TUBGCP4: variants seen among roughly 807,000 people sequenced by gnomAD.
TUBGCP4 encodes the protein gamma-tubulin complex component 4.
Under a neutral mutation model 91.6 loss-of-function variants are expected in TUBGCP4, and 54 were observed. The ratio of observed to expected loss-of-function variants is 0.59; its 90% CI spans 0.47 to 0.74. The LOEUF (loss-of-function observed/expected upper bound fraction) is 0.74. Among genes scored for constraint, TUBGCP4 ranks in the 30% least tolerant of loss-of-function variants. The pLI is 0.00. For missense variants in TUBGCP4, 593 were observed against 800.9 expected (o/e 0.74, Z 3.13); for synonymous variants, 297 against 302.8 (o/e 0.98, Z 0.20).
chr15:43,386,026 A>G (rs1050982745), intron 8 of TUBGCP4, 70 bp downstream of exon 8: 1 of 1,580,516 alleles, frequency 6.3e-7, no homozygotes, highest in African/African-American at 1.3e-5. Flanking sequence ...GTGGCCCCAC[A>G]GCATGCCTGG....
At position 43,386,270 on chromosome 15, in the gene TUBGCP4, A is replaced by G. The variant is rs2044357440; in HGVS notation, c.954A>G (p.Pro318=). Residue 318 remains proline, a synonymous_variant, in exon 9 of 18, where the codon CCA becomes CCG. Transcript: ENST00000564079. ...AAELHRLKQQ[P]LFSLVDFEQV... ...AGCTGCACCGTCTCAAGCAGCAGCC[A>G]CTCTTCAGCTTGGTGGACTTTGAAC... 1 of 1,586,370 alleles carries G rather than the reference A, an allele frequency of 6.3e-7. No homozygotes were observed. Among genetic ancestry groups the G allele is most frequent in the East Asian group, 2.3e-5 (1 of 43,648 alleles).
rs56813954 is a variant in TUBGCP4, at chr15:43,409,748, TA to T, written c.*4545del. On this transcript the variant is annotated 3_prime_UTR_variant, in exon 18 of 18. Transcript: ENST00000564079. The stretch of plus-strand genomic sequence containing the variant: ...GGAGGAATTTCCAAAAATTCTATAT[TA>T]AAAAAAAAAACCAAGATAATAATTA... 311,947 of 1,201,630 alleles carry T rather than the reference TA, an allele frequency of 0.26. 29,438 individuals are homozygous for T. Among genetic ancestry groups the T allele is most frequent in the East Asian group, 0.36 (12,996 of 35,742 alleles). 74.4% of individuals were successfully genotyped at this position (1,201,630 alleles called of 1,614,324 possible).
chr15:43,406,694 T>TGACA lies in TUBGCP4; in HGVS notation c.*1481_*1484dup. 2.3e-6 allele frequency: 1 copy of TGACA among 439,328 alleles called. No individual in the cohort carries two copies. The highest frequency in any genetic ancestry group is 7.0e-5 in the East Asian group (1 of 14,296). 27.2% of individuals were successfully genotyped at this position (439,328 alleles called of 1,614,324 possible). ...GGGAAGGAACTGCTTCCAGCTATTG[T>TGACA]GACAATAATAATAATAATAATATTG... On this transcript the variant is annotated 3_prime_UTR_variant, in exon 18 of 18. Coordinates refer to ENST00000564079, the MANE Select transcript of TUBGCP4 (RefSeq NM_014444.5).
chr15:43,407,712 G>C lies in TUBGCP4; in HGVS notation c.*2498G>C. The C allele has an allele frequency of 1.2e-6, 1 of 853,448 alleles. No homozygotes were observed. 52.9% of individuals were successfully genotyped at this position (853,448 alleles called of 1,614,324 possible). ...TGTCAAACACACTGCTACTGATCAT[G>C]ACCAAAGGCAGAGTTATAATCACTA... On this transcript the variant is annotated 3_prime_UTR_variant, in exon 18 of 18. Coordinates refer to ENST00000564079, the MANE Select transcript of TUBGCP4 (RefSeq NM_014444.5).
chr15:43,397,431 TC>T (rs1238318588), intron 12 of TUBGCP4, 110 bp downstream of exon 12: 2 of 837,774 alleles, frequency 2.4e-6, no homozygotes, highest in African/African-American at 3.3e-5. Context: ...ATCTTAGAAA[TC>T]AGCTAGTACA....
chr15:43,389,530 A>G (rs1350941396), intron 9 of TUBGCP4, among the ~76,000 whole-genome samples: 1 of 152,032 alleles, frequency 6.6e-6, no homozygotes, highest in African/African-American at 2.4e-5. Flanking sequence ...AATTTTATCA[A>G]CTGCTCTTTC....
At chr15:43,376,270 G>A (rs761488970) in intron 2 of TUBGCP4, 44 bp downstream of exon 2, 2 of 1,610,174 alleles carry the variant, frequency 1.2e-6, no homozygotes. Context: ...GAGGGCAGGA[G>A]CTATGTCAAG....
At chr15:43,386,767 C>G (rs2044382762) in intron 9 of TUBGCP4, among the ~76,000 whole-genome samples, 2 of 140,610 alleles carry the variant, frequency 1.4e-5, no homozygotes, top group Admixed American at 7.1e-5. Flanking sequence ...AGTTACTTGA[C>G]TTTTGTTTTT....
At chr15:43,404,336 C>T in intron 16 of TUBGCP4, 77 bp from the exon 17 acceptor site, 1 of 1,557,018 alleles carries the variant, frequency 6.4e-7, no homozygotes, top group East Asian at 2.3e-5. Flanking sequence ...CCAAGAAACT[C>T]CTCCCTCCGC....
At chr15:43,404,353 C>T (rs1362847428) in intron 16 of TUBGCP4, 60 bp from the exon 17 acceptor site, 2 of 1,595,946 alleles carry the variant, frequency 1.3e-6, no homozygotes, top group Non-Finnish European at 1.7e-6. Context: ...CCGCCCCCAT[C>T]CTCCATATGG....
chr15:43,408,929 C>T lies in TUBGCP4; in HGVS notation c.*3715C>T, dbSNP rs1394943390. 8 of 1,614,144 alleles carry T rather than the reference C, an allele frequency of 5.0e-6. No homozygotes were observed. The highest frequency in any genetic ancestry group is 6.8e-6 in the Non-Finnish European group (8 of 1,180,012). On this transcript the variant is annotated 3_prime_UTR_variant, in exon 18 of 18. Coordinates refer to ENST00000564079, the MANE Select transcript of TUBGCP4 (RefSeq NM_014444.5). ...GAATTCTTTGCTCCTCAAGGCTGTA[C>T]CCAGCTGGCAACAGATAATTACGGT... is the stretch of plus-strand genomic sequence containing the variant.
At chr15:43,374,054 A>G (rs1001307398) in intron 1 of TUBGCP4, among the ~76,000 whole-genome samples, 2 of 152,282 alleles carry the variant, frequency 1.3e-5, no homozygotes, top group African/African-American at 2.4e-5. Context: ...TTGGATTCCT[A>G]ATCAATTTTC....
chr15:43,407,383 T>C lies in TUBGCP4; in HGVS notation c.*2169T>C. The C allele has an allele frequency of 1.2e-6, 2 of 1,613,908 alleles. No homozygotes were observed. Among genetic ancestry groups the C allele is most frequent in the Non-Finnish European group, 1.7e-6 (2 of 1,179,802 alleles). On this transcript the variant is annotated 3_prime_UTR_variant, in exon 18 of 18. Transcript: ENST00000564079. ...ATAAAACCAGTAAGACCAAGTATCT[T>C]TAGTGAGAAACATAATCGTGTTTAT...
rs1337414602 is a variant in TUBGCP4 at position 43,371,405 on chromosome 15, C to T, written c.51C>T (p.Phe17=). The T allele has an allele frequency of 6.2e-7, 1 of 1,613,978 alleles. No homozygotes were observed. Among genetic ancestry groups the T allele is most frequent in the Non-Finnish European group, 8.5e-7 (1 of 1,180,010 alleles). The change falls in exon 1 of 18, where the codon TTC becomes TTT. Residue 17 remains phenylalanine, a synonymous_variant. Transcript: ENST00000564079. Reference sequence around the variant, plus strand: ...TGAGCGGGTACCCTGGGTCCATTTTCACCTGGAACAAGCGGAGTGGCCTGC... The same window carrying T: ...TGAGCGGGTACCCTGGGTCCATTTTTACCTGGAACAAGCGGAGTGGCCTGC... ...LALSGYPGSI[F]TWNKRSGLQV...
Position 43,404,461 on chromosome 15 carries a change from C to G in TUBGCP4, c.1897C>G (p.Arg633Gly). 2 of 1,614,092 alleles carry G rather than the reference C, an allele frequency of 1.2e-6. No individual in the cohort carries two copies. Among genetic ancestry groups the G allele is most frequent in the Non-Finnish European group, 1.7e-6 (2 of 1,179,994 alleles). The change falls in exon 17 of 18, where the codon CGG (arginine) becomes GGG (glycine). Residue 633 changes from arginine (R) to glycine (G), a missense_variant. By Grantham distance (125) the Arg-to-Gly change is moderately radical. Coordinates refer to ENST00000564079, the MANE Select transcript of TUBGCP4 (RefSeq NM_014444.5). ...SLLFKILSSVRNHQINSDLAQ... is the reference protein window; with the variant it reads ...SLLFKILSSVGNHQINSDLAQ... Reference sequence around the variant, plus strand: ...CCTGTTCAAGATTCTCTCCAGTGTTCGGAATCATCAGATCAACTCAGATTT... The same window carrying G: ...CCTGTTCAAGATTCTCTCCAGTGTTGGGAATCATCAGATCAACTCAGATTT...
At position 43,407,602 on chromosome 15, in the gene TUBGCP4, A is replaced by C. The variant is rs1393135447; in HGVS notation, c.*2388A>C. The C allele has an allele frequency of 1.3e-6, 2 of 1,588,144 alleles. No homozygotes were observed. Among genetic ancestry groups the C allele is most frequent in the South Asian group, 2.3e-5 (2 of 88,888 alleles). On this transcript the variant is annotated 3_prime_UTR_variant, in exon 18 of 18. Transcript: ENST00000564079. ...GGAGCAAGGGAAAGTGAAGAAGGAA[A>C]GGACACTCAACTTAGCCCTCCATTA...
intron 9 of TUBGCP4, 64 bp from the exon 10 acceptor site, chr15:43,395,043 C>G: frequency 6.4e-7 from 1 of 1,552,968 alleles, no homozygotes; most frequent in Non-Finnish European, 8.9e-7. Context: ...TTGTATGGAA[C>G]CATTCTTTGC....
chr15:43,408,013 G>A lies in TUBGCP4; in HGVS notation c.*2799G>A. 1 of 1,614,126 alleles carries A rather than the reference G, an allele frequency of 6.2e-7. No homozygotes were observed. Among genetic ancestry groups the A allele is most frequent in the South Asian group, 1.1e-5 (1 of 91,080 alleles). ...CACCAGTCATGAGGATCTCAGACCA[G>A]AGCTCCAGGAAGTTCTGCTGTTGGT... On this transcript the variant is annotated 3_prime_UTR_variant, in exon 18 of 18. Transcript: ENST00000564079.
intron 9 of TUBGCP4, among the ~76,000 whole-genome samples, chr15:43,393,560 AG>A (rs1209250437): frequency 6.6e-6 from 1 of 151,988 alleles, no homozygotes; most frequent in Non-Finnish European, 1.5e-5. Context: ...CTCGTTATTT[AG>A]CATTAGGTAT....
Sources: allele counts gnomAD v4.1 joint callset (sites outside exome capture counted in the v4.1 genomes callset), GRCh38; gene constraint gnomAD v4.1.1; transcripts MANE v1.5; gene names NCBI Gene and HGNC (gene_info 2026-07-23, HGNC 2026-07-21).